Variants in ATM observed in about 807,000 individuals in gnomAD.
The protein encoded by ATM is serine-protein kinase ATM.
ATM carries 308 observed loss-of-function variants against 387.0 expected under a neutral mutation model. The ratio of observed to expected loss-of-function variants is 0.80; its 90% CI spans 0.73 to 0.87. ATM has a LOEUF of 0.87. Ranked by LOEUF, ATM falls within the 40% of genes least tolerant of loss-of-function variation. The pLI, the probability that ATM is intolerant of heterozygous loss-of-function variation, is 0.00. For synonymous variants in ATM, 1,156 were observed against 1,187.3 expected (o/e 0.97, Z 0.54); for missense variants, 3,312 against 3,560.9 (o/e 0.93, Z 1.78).
chr11:108,294,784 A>T, intron 31 of ATM, 143 bp from the exon 32 acceptor site: 1 of 858,800 alleles, frequency 1.2e-6, no homozygotes, highest in Non-Finnish European at 1.8e-6. Context: ...GGAAGAAATC[A>T]TTTATTTCTT....
In ATM at chr11:108,250,805, G is replaced by A. The variant is rs760676955; in HGVS notation, c.1340G>A (p.Arg447Gln). Residue 447 changes from arginine (R) to glutamine (Q), a missense_variant, in exon 10 of 63, where the codon CGA becomes CAA. Physicochemically the swap from Arg to Gln is conservative, Grantham distance 43 (BLOSUM62 1). Coordinates refer to ENST00000675843, the MANE Select transcript of ATM (RefSeq NM_000051.4). ...CTATCTCAGCTTCTACCCCAACAGC[G>A]ACATGGGGAACGTACACCATATGTG... ...MILSQLLPQQ[R>Q]HGERTPYVLR... 3.1e-6 allele frequency: 5 copies of A among 1,613,606 alleles called. No homozygotes were observed. In the African/African-American group the frequency reaches 5.3e-5, roughly 17 times the overall value.
Position 108,321,353 on chromosome 11 carries a change from C to G in ATM, c.6505C>G (p.Leu2169Val), listed in dbSNP as rs1064794157. 6.2e-7 allele frequency: 1 copy of G among 1,614,074 alleles called. No individual in the cohort carries two copies. Among genetic ancestry groups the G allele is most frequent in the African/African-American group, 1.3e-5 (1 of 74,938 alleles). ...CKRSLESVYS[L>V]YPTLSRLQAI... ...GCGCAGCCTTGAGTCTGTGTATTCG[C>G]TCTATCCCACACTTAGCAGGTTGCA... Residue 2169 changes from leucine to valine, a missense_variant, in exon 45 of 63, where the codon CTC (leucine) becomes GTC (valine). Transcript: ENST00000675843.
rs1356309376 is a variant in ATM, at chr11:108,310,231, C to T, written c.5834C>T (p.Ala1945Val). Residue 1945 changes from alanine to valine, a missense_variant, in exon 39 of 63, where the codon GCT becomes GTT. Transcript: ENST00000675843. ...DLNYLEVAKVAQSCAAHFTAL... is the reference protein window; with the variant it reads ...DLNYLEVAKVVQSCAAHFTAL... ...AATTATCTAGAAGTTGCCAAGGTAG[C>T]TCAGTCTTGTGCTGCTCACTTTACA... 6.2e-7 allele frequency: 1 copy of T among 1,613,562 alleles called. No homozygotes were observed. The highest frequency in any genetic ancestry group is 1.3e-5 in the African/African-American group (1 of 75,000).
At chr11:108,285,252 G>C (rs952615177) in intron 26 of ATM, among the ~76,000 whole-genome samples, 1 of 151,548 alleles carries the variant, frequency 6.6e-6, no homozygotes, top group Non-Finnish European at 1.5e-5. Flanking sequence ...AAGCCACCTT[G>C]CCAGACCATA....
At chr11:108,228,905 G>A (rs999902747) in intron 3 of ATM, among the ~76,000 whole-genome samples, 3 of 152,198 alleles carry the variant, frequency 2.0e-5, no homozygotes, top group Non-Finnish European at 4.4e-5. Flanking sequence ...TACTAGCATT[G>A]TAAGCTTTTA....
At position 108,253,908 on chromosome 11, in the gene ATM, A is replaced by G. The variant is rs1060501645; in HGVS notation, c.1993A>G (p.Ile665Val). 1.9e-6 allele frequency: 3 copies of G among 1,614,112 alleles called. No individual in the cohort carries two copies. Among genetic ancestry groups the G allele is most frequent in the Non-Finnish European group, 2.5e-6 (3 of 1,179,982 alleles). ...TTTTGACAAGATGGACTTTTTAACC[A>G]TTGTGAGAGAATGTGGTATAGAAAA... The part of the protein sequence containing the change: ...TTFDKMDFLT[I>V]VRECGIEKHQ... The change falls in exon 13 of 63, where the codon ATT becomes GTT. Residue 665 changes from isoleucine (I) to valine (V), a missense_variant. Transcript: ENST00000675843.
Position 108,282,734 on chromosome 11 carries a change from T to C in ATM, c.3601T>C (p.Phe1201Leu). 1 of 1,613,416 alleles carries C rather than the reference T, an allele frequency of 6.2e-7. No homozygotes were observed. Among genetic ancestry groups the C allele is most frequent in the Non-Finnish European group, 8.5e-7 (1 of 1,179,754 alleles). ...GGTTTTAGAGAAAGTTTCTGAAACT[T>C]TTGGATATAGACGTTTAGAAGACTT... ...KKVLEKVSETFGYRRLEDFMA... is the reference protein window; with the variant it reads ...KKVLEKVSETLGYRRLEDFMA... The change falls in exon 25 of 63, where the codon TTT becomes CTT. Residue 1201 changes from phenylalanine to leucine, a missense_variant. By Grantham distance (22) the Phe-to-Leu change is conservative. This residue lies in a region of ATM where 1,791 missense variants were observed against 1,804.5 expected (regional missense o/e 0.99). Transcript: ENST00000675843.
rs761251711 is a variant in ATM at position 108,267,283 on chromosome 11, A to G, written c.2579A>G (p.Asp860Gly). 2.5e-6 allele frequency: 4 copies of G among 1,614,064 alleles called. No homozygotes were observed. The African/African-American group carries it at 5.3e-5, about 22-fold the overall frequency. The part of the protein sequence containing the change: ...EDQSSMNLFN[D>G]YPDSSVSDAN... Reference sequence around the variant, plus strand: ...CAGTCATCCATGAATCTATTTAACGATTACCCTGATAGTAGTGTTAGTGAT... The same window carrying G: ...CAGTCATCCATGAATCTATTTAACGGTTACCCTGATAGTAGTGTTAGTGAT... The change falls in exon 17 of 63, where the codon GAT becomes GGT. Residue 860 changes from aspartate (D) to glycine (G), a missense_variant. By Grantham distance (94) the Asp-to-Gly change is moderately conservative (BLOSUM62 -1). Transcript: ENST00000675843.
chr11:108,365,243 T>C (rs1204264790), intron 62 of ATM, 25 bp downstream of exon 62: 1 of 1,614,234 alleles, frequency 6.2e-7, no homozygotes, highest in Non-Finnish European at 8.5e-7. Context: ...AAGAAGGTCC[T>C]GTTGTCAGTT....
At chr11:108,252,381 G>A (rs186571773) in intron 11 of ATM, among the ~76,000 whole-genome samples, 176 of 152,128 alleles carry the variant, frequency 1.2e-3, no homozygotes, top group Non-Finnish European at 1.8e-3. Flanking sequence ...GTGTCTTTTG[G>A]GTAAAAGATG....
intron 61 of ATM, among the ~76,000 whole-genome samples, chr11:108,357,429 G>A (rs1438003977): frequency 6.6e-6 from 1 of 152,228 alleles, no homozygotes; most frequent in Non-Finnish European, 1.5e-5. Context: ...AGCTCGAACT[G>A]GGTGGAACCC....
chr11:108,256,130 G>A (rs1296109199), intron 13 of ATM, 85 bp from the exon 14 acceptor site: 1 of 1,267,072 alleles, frequency 7.9e-7, no homozygotes, highest in East Asian at 2.9e-5. Context: ...TTTTTAATAT[G>A]TATGTAGAAT....
chr11:108,257,212 G>A (rs891616407), intron 14 of ATM, among the ~76,000 whole-genome samples: 1 of 152,134 alleles, frequency 6.6e-6, no homozygotes, highest in Non-Finnish European at 1.5e-5. Flanking sequence ...TAGGCTGTAA[G>A]CATGAAACTC....
rs148590073 is a variant in ATM, at chr11:108,235,708, A to G, written c.370A>G (p.Ile124Val). The change falls in exon 5 of 63, where the codon ATC (isoleucine) becomes GTC (valine). Residue 124 changes from isoleucine to valine, a missense_variant. By Grantham distance (29) the Ile-to-Val change is conservative. Around this residue, in one of 4 missense-constraint regions of ATM, gnomAD observed 1,791 missense variants for 1,804.5 expected, o/e 0.99. Coordinates refer to ENST00000675843, the MANE Select transcript of ATM (RefSeq NM_000051.4). ...AAAATGTCAAGAACTCTTAAATTAT[A>G]TCATGGATACAGTGAAAGATTCATC... ...RLKCQELLNYIMDTVKDSSNG... is the reference protein window; with the variant it reads ...RLKCQELLNYVMDTVKDSSNG... The G allele has an allele frequency of 3.7e-4, 600 of 1,612,068 alleles. 3 individuals are homozygous for G. In the African/African-American group the frequency reaches 6.7e-3, roughly 18 times the overall value.
intron 1 of ATM, 61 bp from the exon 2 acceptor site, chr11:108,227,534 T>G: frequency 9.4e-7 from 1 of 1,060,556 alleles, no homozygotes; most frequent in Non-Finnish European, 1.4e-6. Flanking sequence ...TCACACCTCT[T>G]TCTCTCTATA....
In ATM at chr11:108,320,073, C is replaced by T; in HGVS notation, c.6452+15C>T. The T allele has an allele frequency of 6.5e-7, 1 of 1,531,016 alleles. No homozygotes were observed. The highest frequency in any genetic ancestry group is 9.1e-7 in the Non-Finnish European group (1 of 1,104,894). The allele number at this position is 1,531,016 out of a possible 1,614,324, so 94.8% of individuals were successfully genotyped here. On this transcript the variant is annotated intron_variant, in intron 44 of 62. Coordinates refer to ENST00000675843, the MANE Select transcript of ATM (RefSeq NM_000051.4). ...AAATATGCCAGGTATTATGAAAAGA[C>T]AAAGTTACTGTATTTTAACATTTAA...
chr11:108,252,486 G>C (rs2080207248), intron 11 of ATM, among the ~76,000 whole-genome samples: 1 of 152,154 alleles, frequency 6.6e-6, no homozygotes. Context: ...CCTTTCCACA[G>C]ATTGGTAATT....
At chr11:108,324,065 AT>A (rs1190776418) in intron 45 of ATM, among the ~76,000 whole-genome samples, 2 of 136,986 alleles carry the variant, frequency 1.5e-5, no homozygotes, top group Non-Finnish European at 3.2e-5. Flanking sequence ...TGAAAAAAAA[AT>A]TTTAAAGAAT....
chr11:108,305,395 C>T lies in ATM; in HGVS notation c.5674+543C>T, dbSNP rs548968314. Among the ~76,000 whole-genome samples, 9 of 152,196 alleles carry T rather than the reference C, an allele frequency of 5.9e-5. No individual in the cohort carries two copies. In the East Asian group the frequency reaches 7.7e-4, roughly 13 times the overall value. ...AGGAGTTCAAGACCAGCCTGGCCAA[C>T]GTGGTGAAACCCCGTCCCTACTAAA... On this transcript the variant is annotated intron_variant, in intron 37 of 62. Transcript: ENST00000675843.
Sources: allele counts gnomAD v4.1 joint callset (sites outside exome capture counted in the v4.1 genomes callset), GRCh38; gene constraint gnomAD v4.1.1; regional missense constraint gnomAD v4.1.1; transcripts MANE v1.5; gene names NCBI Gene and HGNC (gene_info 2026-07-23, HGNC 2026-07-21).